RAB30: variants seen among roughly 807,000 people sequenced by gnomAD.
RAB30 encodes RAB30, member RAS oncogene family.
In RAB30, 9 loss-of-function variants were observed where a neutral mutation model predicts 25.1. That is an observed-to-expected ratio of 0.36 (90% CI 0.22 to 0.63). RAB30 has a LOEUF of 0.63. RAB30 is among the 20% of genes least tolerant of loss of function. RAB30 has a pLI of 0.69. For synonymous variants in RAB30, 77 were observed against 86.4 expected, an observed-to-expected ratio of 0.89 and a Z score of 0.60; for missense variants, 140 against 243.5, an observed-to-expected ratio of 0.58 and a Z score of 2.83.
intron 1 of RAB30, among the ~76,000 whole-genome samples, chr11:83,014,888 A>T (rs890812418): frequency 6.6e-6 from 1 of 152,136 alleles, no homozygotes; most frequent in Non-Finnish European, 1.5e-5. Flanking sequence ...CGAGTCAAGC[A>T]CATGAAGAAT....
intron 1 of RAB30, among the ~76,000 whole-genome samples, chr11:83,026,445 C>T (rs1320973754): frequency 6.6e-6 from 1 of 152,092 alleles, no homozygotes. Flanking sequence ...CATGTGAGAT[C>T]TGGTTAAGAG....
chr11:82,994,101 C>T lies in RAB30; in HGVS notation c.115G>A (p.Gly39Arg). 6.2e-7 allele frequency: 1 copy of T among 1,610,770 alleles called. No individual in the cohort carries two copies. The highest frequency in any genetic ancestry group is 8.5e-7 in the Non-Finnish European group (1 of 1,177,114). ...ATAAAATCAACTCCAATTGTGGCTC[C>T]TTGACCTGGGGGGAAAAGACCCTGA... ...FTQGLFPPGQGATIGVDFMIK... is the reference protein window; with the variant it reads ...FTQGLFPPGQRATIGVDFMIK... Residue 39 changes from glycine to arginine, a missense_variant, in exon 3 of 5, where the codon GGA becomes AGA. Gly to Arg is a moderately radical substitution (Grantham distance 125). Coordinates refer to ENST00000527633, the MANE Select transcript of RAB30 (RefSeq NM_001286060.2).
rs11233434 is a variant in RAB30 at position 83,029,433 on chromosome 11, C to T, written c.-8-32109G>A. On this transcript the variant is annotated intron_variant, in intron 1 of 4. Coordinates refer to ENST00000527633, the MANE Select transcript of RAB30 (RefSeq NM_001286060.2). ...TTATTATTATTTTGAGACAGGGTCT[C>T]GCTCTGTTGCCCAGGCTGGAGTGCA... Among the ~76,000 whole-genome samples, 86 of 151,534 alleles carry T rather than the reference C, an allele frequency of 5.7e-4. 1 individual carries two copies. The East Asian group carries it at 0.015, about 27-fold the overall frequency.
At chr11:83,044,042 T>C (rs977815895) in intron 1 of RAB30, among the ~76,000 whole-genome samples, 15 of 152,190 alleles carry the variant, frequency 9.9e-5, no homozygotes, top group African/African-American at 2.4e-4. Flanking sequence ...CTTCCTAATA[T>C]AATCAGAAGA....
At chr11:82,999,627 A>C (rs1857034515) in intron 1 of RAB30, among the ~76,000 whole-genome samples, 1 of 151,998 alleles carries the variant, frequency 6.6e-6, no homozygotes, top group Non-Finnish European at 1.5e-5. Context: ...TTCTAGGCTC[A>C]CTGGATTTCC....
At position 82,987,411 on chromosome 11, in the gene RAB30, A is replaced by G. The variant is rs536811050; in HGVS notation, c.361+176T>C. On this transcript the variant is annotated intron_variant, in intron 4 of 4. Transcript: ENST00000527633. ...TTCTACTTTATTTTTCTAAACTGTC[A>G]CCATGGGATAGGACCTATTTCATTT... 5.0e-5 allele frequency: 25 copies of G among 504,638 alleles called. No homozygotes were observed. In the South Asian group the frequency reaches 1.7e-3, roughly 34 times the overall value. The allele number at this position is 504,638 out of a possible 1,614,324, so 31.3% of individuals were successfully genotyped here. A position where few individuals can be genotyped will look rare whatever the true frequency, so the allele number is the denominator to read the frequency against.
At chr11:83,059,070 G>A (rs1015739665) in intron 1 of RAB30, among the ~76,000 whole-genome samples, 1 of 152,160 alleles carries the variant, frequency 6.6e-6, no homozygotes, top group Non-Finnish European at 1.5e-5. Context: ...AGCCTCCCAA[G>A]TAGCTGGGAC....
chr11:83,069,058 G>A (rs1309655818), intron 1 of RAB30, among the ~76,000 whole-genome samples: 1 of 152,112 alleles, frequency 6.6e-6, no homozygotes, highest in African/African-American at 2.4e-5. Flanking sequence ...AGATTATAGA[G>A]GGCTATAACA....
At chr11:83,068,962 C>G (rs992753230) in intron 1 of RAB30, among the ~76,000 whole-genome samples, 2 of 152,186 alleles carry the variant, frequency 1.3e-5, no homozygotes, top group Admixed American at 1.3e-4. Context: ...TCAGGGAAAG[C>G]ATTTGTTTTC....
intron 3 of RAB30, among the ~76,000 whole-genome samples, chr11:82,992,975 T>A (rs1002494023): frequency 6.6e-6 from 1 of 152,188 alleles, no homozygotes; most frequent in Non-Finnish European, 1.5e-5. Flanking sequence ...TCCCAAAGTA[T>A]TGGGATTATA....
At chr11:83,046,570 T>C (rs745693356) in intron 1 of RAB30, among the ~76,000 whole-genome samples, 33 of 152,128 alleles carry the variant, frequency 2.2e-4, no homozygotes, top group South Asian at 4.1e-4. Context: ...CATAGCTCAC[T>C]GCATCCCTGA....
At chr11:83,049,332 A>G (rs1590874967) in intron 1 of RAB30, among the ~76,000 whole-genome samples, 1 of 150,568 alleles carries the variant, frequency 6.6e-6, no homozygotes, top group Admixed American at 6.6e-5. Flanking sequence ...AATCGCTTGA[A>G]CCCGGGAGGC....
chr11:83,042,985 A>G (rs1053057598), intron 1 of RAB30, among the ~76,000 whole-genome samples: 8 of 152,210 alleles, frequency 5.3e-5, no homozygotes, highest in African/African-American at 1.9e-4. Flanking sequence ...CAACATTAAC[A>G]TTATTATTAA....
intron 1 of RAB30, among the ~76,000 whole-genome samples, chr11:83,029,577 T>C (rs943328798): frequency 6.6e-6 from 1 of 152,098 alleles, no homozygotes; most frequent in African/African-American, 2.4e-5. Context: ...TGTTTAAATA[T>C]TTTTAAACAA....
In RAB30 at chr11:82,987,766, T is replaced by C; in HGVS notation, c.182A>G (p.Gln61Arg). The stretch of plus-strand genomic sequence containing the variant: ...CTCTTGACCTGCTGTGTCCCAGATC[T>C]GTAGCTGTAAAGGCATAAGATAAGA... ...VEINGEKVKLQIWDTAGQERF... is the reference protein window; with the variant it reads ...VEINGEKVKLRIWDTAGQERF... The change falls in exon 4 of 5, where the codon CAG becomes CGG. Residue 61 changes from glutamine to arginine, a missense_variant. Coordinates refer to ENST00000527633, the MANE Select transcript of RAB30 (RefSeq NM_001286060.2). The C allele has an allele frequency of 6.2e-7, 1 of 1,600,420 alleles. No homozygotes were observed. Among genetic ancestry groups the C allele is most frequent in the Non-Finnish European group, 8.5e-7 (1 of 1,170,408 alleles).
At chr11:83,020,387 G>A (rs1033209402) in intron 1 of RAB30, among the ~76,000 whole-genome samples, 1 of 152,232 alleles carries the variant, frequency 6.6e-6, no homozygotes, top group Non-Finnish European at 1.5e-5. Flanking sequence ...CTAGGACTCT[G>A]TTGCCTCAGC....
intron 1 of RAB30, among the ~76,000 whole-genome samples, chr11:83,031,815 C>A (rs1857868285): frequency 6.6e-6 from 1 of 152,222 alleles, no homozygotes; most frequent in African/African-American, 2.4e-5. Context: ...GTGTGAGCCA[C>A]CAGGCCTGGC....
chr11:83,045,121 C>T (rs1312840353), intron 1 of RAB30, among the ~76,000 whole-genome samples: 2 of 152,198 alleles, frequency 1.3e-5, no homozygotes, highest in Non-Finnish European at 2.9e-5. Flanking sequence ...CATGGTCTAA[C>T]ACAGACACTG....
At chr11:83,057,074 T>G (rs1858472462) in intron 1 of RAB30, among the ~76,000 whole-genome samples, 1 of 152,014 alleles carries the variant, frequency 6.6e-6, no homozygotes, top group Non-Finnish European at 1.5e-5. Flanking sequence ...CAGCTATAGC[T>G]CCTCAGAAGG....
Sources: allele counts gnomAD v4.1 joint callset (sites outside exome capture counted in the v4.1 genomes callset), GRCh38; gene constraint gnomAD v4.1.1; transcripts MANE v1.5; gene names NCBI Gene and HGNC (gene_info 2026-07-23, HGNC 2026-07-21).